Variants in PGPEP1 observed in about 807,000 individuals in gnomAD.
The protein encoded by PGPEP1 is pyroglutamyl-peptidase 1.
In PGPEP1, 15 loss-of-function variants were observed where a neutral mutation model predicts 24.1. The ratio of observed to expected loss-of-function variants is 0.62; its 90% CI spans 0.42 to 0.96. The LOEUF (loss-of-function observed/expected upper bound fraction) is 0.96. Ranked by LOEUF, PGPEP1 falls within the 40% of genes least tolerant of loss-of-function variation. The pLI is 0.00. For synonymous variants in PGPEP1, 122 were observed against 116.4 expected, an observed-to-expected ratio of 1.05 and a Z score of -0.31; for missense variants, 242 against 273.4, an observed-to-expected ratio of 0.89 and a Z score of 0.81.
In PGPEP1 at chr19:18,354,607, G is replaced by A. The variant is rs146312473; in HGVS notation, c.88-1288G>A. Among the ~76,000 whole-genome samples the A allele has an allele frequency of 3.1e-3, 478 of 151,804 alleles. 1 individual carries two copies. Among genetic ancestry groups the A allele is most frequent in the Non-Finnish European group, 4.6e-3 (315 of 67,890 alleles). On this transcript the variant is annotated intron_variant, in intron 2 of 4. Coordinates refer to ENST00000269919, the MANE Select transcript of PGPEP1 (RefSeq NM_017712.4). ...ATCATAGCTCACTGCAACCTCAACC[G>A]CCTGGGCTTAGGTAATCCTCCCATC... is the stretch of plus-strand genomic sequence containing the variant.
chr19:18,348,403 C>T (rs1027494675), intron 2 of PGPEP1, among the ~76,000 whole-genome samples: 4 of 152,194 alleles, frequency 2.6e-5, no homozygotes, highest in Middle Eastern at 3.4e-3. Flanking sequence ...GACGAGGCTG[C>T]GCGGCGGGGT....
intron 2 of PGPEP1, 152 bp downstream of exon 2, chr19:18,343,063 A>G (rs981960668): frequency 7.8e-6 from 5 of 642,722 alleles, no homozygotes; most frequent in Non-Finnish European, 1.4e-5. Context: ...GCAATGGCAC[A>G]ATCTCAGCCC....
intron 2 of PGPEP1, among the ~76,000 whole-genome samples, chr19:18,346,014 G>A (rs1329756426): frequency 3.8e-4 from 3 of 7,828 alleles, no homozygotes; most frequent in Admixed American, 2.2e-3. Flanking sequence ...TTTTACATAT[G>A]TGCACCCCCA....
rs184019453 is a variant in PGPEP1 at position 18,355,264 on chromosome 19, T to G, written c.88-631T>G. Among the ~76,000 whole-genome samples, 342 of 151,334 alleles carry G rather than the reference T, an allele frequency of 2.3e-3. 3 individuals carry two copies. Among genetic ancestry groups the G allele is most frequent in the African/African-American group, 7.5e-3 (311 of 41,208 alleles). On this transcript the variant is annotated intron_variant, in intron 2 of 4. Transcript: ENST00000269919. ...GATTACAGGCATGAGCCACCGCACC[T>G]GGCCTTTTTTTTTGAGATGGAGTTT...
At chr19:18,361,272 G>T (rs557774836) in intron 4 of PGPEP1, among the ~76,000 whole-genome samples, 1 of 151,970 alleles carries the variant, frequency 6.6e-6, no homozygotes, top group Non-Finnish European at 1.5e-5. Flanking sequence ...CAAGTAGCTG[G>T]GACTACAGGT....
Position 18,363,441 on chromosome 19 carries a change from G to C in PGPEP1, c.488G>C (p.Arg163Pro). The change falls in exon 5 of 5, where the codon CGA (arginine) becomes CCA (proline). Residue 163 changes from arginine (R) to proline (P), a missense_variant. Coordinates refer to ENST00000269919, the MANE Select transcript of PGPEP1 (RefSeq NM_017712.4). ...ACCTCTTTGTACCAGAGTCACGGTCGATCAGCCTTCGTCCACGTGCCCCCA... is the reference window on the plus strand; with the variant it reads ...ACCTCTTTGTACCAGAGTCACGGTCCATCAGCCTTCGTCCACGTGCCCCCA... ...YYTSLYQSHGRSAFVHVPPLG... is the reference protein window; with the variant it reads ...YYTSLYQSHGPSAFVHVPPLG... 1.2e-6 allele frequency: 2 copies of C among 1,613,900 alleles called. No individual in the cohort carries two copies. Among genetic ancestry groups the C allele is most frequent in the Non-Finnish European group, 1.7e-6 (2 of 1,179,834 alleles).
In PGPEP1 at chr19:18,361,013, G is replaced by A. The variant is rs192112149; in HGVS notation, c.438-2378G>A. Among the ~76,000 whole-genome samples the A allele has an allele frequency of 3.0e-3, 463 of 151,964 alleles. 2 individuals carry two copies. The highest frequency in any genetic ancestry group is 7.2e-3 in the Admixed American group (109 of 15,210). ...CACCCAGCTAATTTTTGTATTTTTA[G>A]TAGAGATGGGGTTTCACCATGTTGC... On this transcript the variant is annotated intron_variant, in intron 4 of 4. Transcript: ENST00000269919.
Position 18,360,877 on chromosome 19 carries a change from G to A in PGPEP1, c.438-2514G>A, listed in dbSNP as rs111302802. Among the ~76,000 whole-genome samples the A allele has an allele frequency of 3.3e-5, 5 of 151,856 alleles. No individual in the cohort carries two copies. In the South Asian group the frequency reaches 1.0e-3, roughly 32 times the overall value. On this transcript the variant is annotated intron_variant, in intron 4 of 4. Transcript: ENST00000269919. ...AGACTGCGTCTAGCTTTGTCACCCA[G>A]GCTGGAGTGCAGTGGCTCGATCTTG... is the stretch of plus-strand genomic sequence containing the variant.
intron 2 of PGPEP1, among the ~76,000 whole-genome samples, chr19:18,343,679 C>CTTTTT (rs3078437): frequency 8.7e-6 from 1 of 115,062 alleles, no homozygotes; most frequent in African/African-American, 3.5e-5. Flanking sequence ...GGATCTCCCT[C>CTTTTT]TTTTTTTTTT....
chr19:18,345,020 GAC>G (rs1364996197), intron 2 of PGPEP1, among the ~76,000 whole-genome samples: 2 of 151,730 alleles, frequency 1.3e-5, no homozygotes, highest in African/African-American at 4.8e-5. Context: ...TTTTTCTGGA[GAC>G]ACAGTTTCGT....
At chr19:18,342,097 C>T (rs1189307087) in intron 1 of PGPEP1, among the ~76,000 whole-genome samples, 9 of 152,146 alleles carry the variant, frequency 5.9e-5, no homozygotes, top group South Asian at 2.1e-4. Flanking sequence ...TTAGTAGAAA[C>T]GGGGTTTCAC....
intron 2 of PGPEP1, among the ~76,000 whole-genome samples, chr19:18,347,988 G>C (rs1970904554): frequency 6.6e-6 from 1 of 152,154 alleles, no homozygotes; most frequent in East Asian, 1.9e-4. Context: ...CATGCCCACA[G>C]CATAGGTGGA....
intron 4 of PGPEP1, among the ~76,000 whole-genome samples, chr19:18,362,502 G>A (rs899586542): frequency 7.2e-5 from 11 of 152,038 alleles, no homozygotes; most frequent in Non-Finnish European, 1.3e-4. Context: ...GAGGTAGGCG[G>A]ATCACTACAG....
chr19:18,343,651 AG>A (rs1034537092), intron 2 of PGPEP1, among the ~76,000 whole-genome samples: 13 of 144,926 alleles, frequency 9.0e-5, no homozygotes, highest in African/African-American at 3.1e-4. Context: ...TACTTTACCT[AG>A]GAATTATCCA....
chr19:18,344,629 T>C (rs374565812), intron 2 of PGPEP1, among the ~76,000 whole-genome samples: 51 of 147,094 alleles, frequency 3.5e-4, no homozygotes, highest in African/African-American at 1.1e-3. Flanking sequence ...GTGAACGGGA[T>C]GGAGGGACGG....
At chr19:18,344,870 T>C (rs1401161111) in intron 2 of PGPEP1, among the ~76,000 whole-genome samples, 5 of 151,932 alleles carry the variant, frequency 3.3e-5, no homozygotes, top group Non-Finnish European at 5.9e-5. Flanking sequence ...AATTAAACAA[T>C]CTTTGGAAAT....
intron 4 of PGPEP1, chr19:18,358,136 A>C (rs1209827909): frequency 5.6e-6 from 1 of 176,992 alleles, no homozygotes; most frequent in Non-Finnish European, 1.2e-5. Context: ...TTGTAGACAC[A>C]TCGCTCCAGT....
intron 4 of PGPEP1, among the ~76,000 whole-genome samples, chr19:18,360,574 C>G (rs1427825278): frequency 6.6e-6 from 1 of 151,964 alleles, no homozygotes; most frequent in Non-Finnish European, 1.5e-5. Context: ...AGCCAGGCTG[C>G]AGTATTGTGG....
rs191623814 is a variant in PGPEP1, at chr19:18,348,431, G to T, written c.87+5520G>T. Among the ~76,000 whole-genome samples the T allele has an allele frequency of 8.5e-5, 13 of 152,320 alleles. No homozygotes were observed. In the East Asian group the frequency reaches 2.5e-3, roughly 29 times the overall value. ...GGCGGGGTCCTGTCAGGTAGATGGG[G>T]TGTAGACAATGGGGCGTCTGCCCGA... On this transcript the variant is annotated intron_variant, in intron 2 of 4. Coordinates refer to ENST00000269919, the MANE Select transcript of PGPEP1 (RefSeq NM_017712.4).
Sources: gnomAD v4.1 joint callset for allele counts (sites outside exome capture counted in the v4.1 genomes callset) on GRCh38, gnomAD v4.1.1 for gene constraint, MANE v1.5 for transcripts, NCBI Gene and HGNC (gene_info 2026-07-23, HGNC 2026-07-21) for gene names.